TBC1D5: variants seen among roughly 807,000 people sequenced by gnomAD.
The protein encoded by TBC1D5 is TBC1 domain family, member 5.
TBC1D5 carries 75 observed loss-of-function variants against 100.3 expected under a neutral mutation model. The observed-to-expected ratio is 0.75, with a 90% confidence interval of 0.62 to 0.91. TBC1D5 has a LOEUF of 0.91. Ranked by LOEUF, TBC1D5 falls within the 40% of genes least tolerant of loss-of-function variation. The pLI, the probability that TBC1D5 is intolerant of heterozygous loss-of-function variation, is 0.00. For synonymous variants in TBC1D5, 323 were observed against 325.6 expected, an observed-to-expected ratio of 0.99 and a Z score of 0.09; for missense variants, 910 against 942.4, an observed-to-expected ratio of 0.97 and a Z score of 0.45.
intron 2 of TBC1D5, among the ~76,000 whole-genome samples, chr3:17,531,232 C>T (rs143978560): frequency 0.069 from 10,497 of 152,148 alleles, 713 homozygotes; most frequent in African/African-American, 0.18. Context: ...CTCCCATTCA[C>T]AATTGCTTCA....
intron 13 of TBC1D5, among the ~76,000 whole-genome samples, chr3:17,371,216 T>G (rs1232482455): frequency 6.6e-6 from 1 of 152,126 alleles, no homozygotes; most frequent in Admixed American, 6.6e-5. Flanking sequence ...GCATCTATCT[T>G]ACTTACAGGA....
At chr3:17,268,034 T>A (rs1040312182) in intron 15 of TBC1D5, among the ~76,000 whole-genome samples, 2 of 151,928 alleles carry the variant, frequency 1.3e-5, no homozygotes, top group Non-Finnish European at 2.9e-5. Flanking sequence ...TAGATTTGAG[T>A]TGTATTTTCC....
At chr3:17,162,258 C>T (rs185840734) in intron 21 of TBC1D5, among the ~76,000 whole-genome samples, 3 of 152,268 alleles carry the variant, frequency 2.0e-5, no homozygotes, top group South Asian at 2.1e-4. Context: ...ATATGGAGAC[C>T]GCTGACTGGA....
intron 2 of TBC1D5, among the ~76,000 whole-genome samples, chr3:17,600,093 G>A (rs1029631958): frequency 6.6e-6 from 1 of 152,132 alleles, no homozygotes; most frequent in Non-Finnish European, 1.5e-5. Flanking sequence ...TAATTCCACA[G>A]GTATTTTGAG....
chr3:17,580,983 C>T (rs2096690996), intron 2 of TBC1D5, among the ~76,000 whole-genome samples: 1 of 152,198 alleles, frequency 6.6e-6, no homozygotes, highest in South Asian at 2.1e-4. Flanking sequence ...GCTGTGCCCC[C>T]ACCTAAATCT....
At chr3:17,694,301 G>C (rs1251830704) in intron 1 of TBC1D5, among the ~76,000 whole-genome samples, 3 of 152,194 alleles carry the variant, frequency 2.0e-5, no homozygotes, top group Non-Finnish European at 4.4e-5. Context: ...ACTTTTCCGA[G>C]CTAAAGGAGC....
chr3:17,300,875 A>G (rs1311544096), intron 14 of TBC1D5, among the ~76,000 whole-genome samples: 1 of 151,922 alleles, frequency 6.6e-6, no homozygotes, highest in Non-Finnish European at 1.5e-5. Context: ...AGTTCGAGAC[A>G]AGCCTAGCCA....
chr3:17,282,194 G>A (rs555543909), intron 15 of TBC1D5, among the ~76,000 whole-genome samples: 1 of 152,282 alleles, frequency 6.6e-6, no homozygotes, highest in East Asian at 1.9e-4. Flanking sequence ...ATTTCCCTGG[G>A]GGTAAAATAG....
chr3:17,266,158 G>C (rs1049717552), intron 15 of TBC1D5, among the ~76,000 whole-genome samples: 4 of 152,056 alleles, frequency 2.6e-5, no homozygotes, highest in African/African-American at 9.7e-5. Context: ...TTTGTGGTCT[G>C]ATATTCACTG....
At chr3:17,511,171 A>G (rs1207765326) in intron 2 of TBC1D5, among the ~76,000 whole-genome samples, 1 of 152,102 alleles carries the variant, frequency 6.6e-6, no homozygotes, top group African/African-American at 2.4e-5. Context: ...AATAATTCAA[A>G]TTAAAAGAAA....
intron 15 of TBC1D5, among the ~76,000 whole-genome samples, chr3:17,261,287 G>T (rs553544660): frequency 4.5e-4 from 69 of 152,178 alleles, no homozygotes; most frequent in African/African-American, 1.6e-3. Flanking sequence ...TTGAAACTAG[G>T]TAACAGGTTC....
At chr3:17,239,833 G>A (rs1249858142) in intron 16 of TBC1D5, among the ~76,000 whole-genome samples, 1 of 152,128 alleles carries the variant, frequency 6.6e-6, no homozygotes, top group Non-Finnish European at 1.5e-5. Flanking sequence ...GACCAGTTAT[G>A]ATTACAGATT....
chr3:17,643,205 A>G (rs2064694672), intron 1 of TBC1D5, among the ~76,000 whole-genome samples: 1 of 151,944 alleles, frequency 6.6e-6, no homozygotes, highest in South Asian at 2.1e-4. Context: ...CTCAATTTTG[A>G]GTTTGTCTAA....
intron 1 of TBC1D5, among the ~76,000 whole-genome samples, chr3:17,709,056 T>C (rs1050530775): frequency 4.6e-5 from 7 of 152,350 alleles, no homozygotes; most frequent in Middle Eastern, 3.4e-3. Context: ...TTGGCATACA[T>C]GCATATTAGT....
At chr3:17,497,983 A>G (rs183116567) in intron 3 of TBC1D5, among the ~76,000 whole-genome samples, 2 of 152,308 alleles carry the variant, frequency 1.3e-5, no homozygotes, top group East Asian at 3.9e-4. Context: ...AAGTGGTAGA[A>G]TATCAGATCT....
intron 17 of TBC1D5, among the ~76,000 whole-genome samples, chr3:17,223,951 A>G (rs538612137): frequency 6.6e-6 from 1 of 152,050 alleles, no homozygotes; most frequent in African/African-American, 2.4e-5. Flanking sequence ...AGAAAAAAAG[A>G]CTATGCCAAT....
chr3:17,700,850 G>T (rs1269083350), intron 1 of TBC1D5, among the ~76,000 whole-genome samples: 1 of 152,126 alleles, frequency 6.6e-6, no homozygotes, highest in African/African-American at 2.4e-5. Context: ...GAGAGGATGT[G>T]GAGAAATAGG....
At chr3:17,390,458 T>C (rs563468480) in intron 8 of TBC1D5, among the ~76,000 whole-genome samples, 16 of 152,208 alleles carry the variant, frequency 1.1e-4, no homozygotes, top group East Asian at 3.9e-4. Flanking sequence ...ATTAGGTAAT[T>C]AGAAGTATTA....
intron 3 of TBC1D5, among the ~76,000 whole-genome samples, chr3:17,497,526 A>G (rs2095729528): frequency 6.6e-6 from 1 of 152,230 alleles, no homozygotes; most frequent in Non-Finnish European, 1.5e-5. Flanking sequence ...TTATTACTGA[A>G]TTTTCATAAT....
Sources: gnomAD v4.1 joint callset for allele counts (sites outside exome capture counted in the v4.1 genomes callset) on GRCh38, gnomAD v4.1.1 for gene constraint, MANE v1.5 for transcripts, NCBI Gene and HGNC (gene_info 2026-07-23, HGNC 2026-07-21) for gene names.